RPS26: variants seen among roughly 807,000 people sequenced by gnomAD.
The protein encoded by RPS26 is ribosomal protein S26, also known as small ribosomal subunit protein eS26.
RPS26 carries 1 observed loss-of-function variant against 14.7 expected under a neutral mutation model. The ratio of observed to expected loss-of-function variants is 0.07; its 90% CI spans 0.02 to 0.32. The LOEUF (loss-of-function observed/expected upper bound fraction) is 0.32, where lower values mean the gene tolerates loss of function less well. RPS26 is among the 10% of genes least tolerant of loss of function. The probability of loss-of-function intolerance (pLI) is 1.00; values close to 1 mark genes in which losing one functional copy is unlikely to be tolerated. For synonymous variants in RPS26, 59 were observed against 53.1 expected (o/e 1.11, Z -0.48); for missense variants, 63 against 157.7 (o/e 0.40, Z 3.22).
At chr12:56,042,319 C>A in intron 1 of RPS26, 106 bp from the exon 2 acceptor site, 1 of 1,512,574 alleles carries the variant, frequency 6.6e-7, no homozygotes, top group Non-Finnish European at 9.2e-7. Flanking sequence ...AACAGGAGAT[C>A]CGAGCGGCGC....
chr12:56,044,382 C>T lies in RPS26; in HGVS notation c.*228C>T, dbSNP rs1250653222. Reference sequence around the variant, plus strand: ...TTTTTTTTTGAGACGGAGTCTTTGTCGCCCAAGCTGAATTGCAGTGGCGTG... The same window carrying T: ...TTTTTTTTTGAGACGGAGTCTTTGTTGCCCAAGCTGAATTGCAGTGGCGTG... On this transcript the variant is annotated 3_prime_UTR_variant, in exon 4 of 4. Coordinates refer to ENST00000646449, the MANE Select transcript of RPS26 (RefSeq NM_001029.5). The T allele has an allele frequency of 1.6e-5, 7 of 426,462 alleles. No homozygotes were observed. Among genetic ancestry groups the T allele is most frequent in the East Asian group, 4.0e-5 (1 of 25,012 alleles). The allele number at this position is 426,462 out of a possible 1,614,324, so 26.4% of individuals were successfully genotyped here. A position where few individuals can be genotyped will look rare whatever the true frequency, so the allele number is the denominator to read the frequency against.
chr12:56,042,221 T>C, intron 1 of RPS26, 52 bp downstream of exon 1: 2 of 1,610,590 alleles, frequency 1.2e-6, no homozygotes, highest in Non-Finnish European at 1.7e-6. Context: ...ACTCTGGGAT[T>C]GTGGGGAAGT....
At position 56,041,991 on chromosome 12, in the gene RPS26, AT is replaced by A; in HGVS notation, c.-173del. On this transcript the variant is annotated 5_prime_UTR_variant, in exon 1 of 4. Coordinates refer to ENST00000646449, the MANE Select transcript of RPS26 (RefSeq NM_001029.5). ...ATGGATAAATAAACACTAGGAACGC[AT>A]TTCCACCCTAGATTTCAGCAGAAAT... 1.4e-6 allele frequency: 1 copy of A among 724,520 alleles called. No individual in the cohort carries two copies. Among genetic ancestry groups the A allele is most frequent in the Non-Finnish European group, 2.5e-6 (1 of 402,710 alleles). 44.9% of individuals were successfully genotyped at this position (724,520 alleles called of 1,614,324 possible). A position where few individuals can be genotyped will look rare whatever the true frequency, so the allele number is the denominator to read the frequency against.
At chr12:56,042,347 G>C in intron 1 of RPS26, 78 bp from the exon 2 acceptor site, 1 of 1,554,206 alleles carries the variant, frequency 6.4e-7, no homozygotes, top group Non-Finnish European at 8.9e-7. Context: ...GAGGCTGCCG[G>C]TGCGGCTTGT....
In RPS26 at chr12:56,044,371, G is replaced by A. The variant is rs1451732625; in HGVS notation, c.*217G>A. The A allele has an allele frequency of 1.1e-4, 40 of 362,162 alleles. No homozygotes were observed. The highest frequency in any genetic ancestry group is 7.8e-4 in the African/African-American group (25 of 32,088). The allele number at this position is 362,162 out of a possible 1,614,324, so 22.4% of individuals were successfully genotyped here. ...TTTTTTTTTTTTTTTTTTTTGAGAC[G>A]GAGTCTTTGTCGCCCAAGCTGAATT... On this transcript the variant is annotated 3_prime_UTR_variant, in exon 4 of 4. Transcript: ENST00000646449.
intron 2 of RPS26, 158 bp from the exon 3 acceptor site, chr12:56,043,205 G>A (rs941937527): frequency 2.9e-6 from 2 of 682,328 alleles, no homozygotes; most frequent in Non-Finnish European, 2.6e-6. Context: ...TCAGGTATTG[G>A]GCTGAACAGG....
chr12:56,042,520 C>T lies in RPS26; in HGVS notation c.99C>T (p.Asp33=), dbSNP rs753296520. The change falls in exon 2 of 4, where the codon GAC becomes GAT. Residue 33 remains aspartate, a synonymous_variant. Coordinates refer to ENST00000646449, the MANE Select transcript of RPS26 (RefSeq NM_001029.5). ...CTNCARCVPK[D]KAIKKFVIRN... is the part of the protein sequence containing the mutation. ...ACTGTGCCCGATGCGTGCCCAAGGA[C>T]AAGGCCATTAAGAAATTCGTCATTC... is the stretch of plus-strand genomic sequence containing the variant. 3 of 1,602,690 alleles carry T rather than the reference C, an allele frequency of 1.9e-6. No individual in the cohort carries two copies. The highest frequency in any genetic ancestry group is 1.7e-5 in the Admixed American group (1 of 60,018).
At chr12:56,043,521 CCAGG>C in intron 3 of RPS26, 28 bp downstream of exon 3, 1 of 1,612,778 alleles carries the variant, frequency 6.2e-7, no homozygotes, top group Non-Finnish European at 8.5e-7. Context: ...AGAATGGAAG[CCAGG>C]GGAGTGATGG....
chr12:56,042,354 T>C (rs1895899051), intron 1 of RPS26, 71 bp from the exon 2 acceptor site: 9 of 1,567,914 alleles, frequency 5.7e-6, no homozygotes, highest in Admixed American at 3.4e-5. Context: ...CCGGTGCGGC[T>C]TGTGGCCGGA....
chr12:56,044,635 C>G lies in RPS26; in HGVS notation c.*481C>G, dbSNP rs566084891. ...CTGGGATTACAGGCTTGAGCCACCTCGCCTAGCTATTTATGTAAATTAAAC... is the reference window on the plus strand; with the variant it reads ...CTGGGATTACAGGCTTGAGCCACCTGGCCTAGCTATTTATGTAAATTAAAC... On this transcript the variant is annotated 3_prime_UTR_variant, in exon 4 of 4. Transcript: ENST00000646449. 1.3e-5 allele frequency: 2 copies of G among 158,160 alleles called. No homozygotes were observed. The highest frequency in any genetic ancestry group is 3.6e-4 in the South Asian group (2 of 5,604). 9.8% of individuals were successfully genotyped at this position (158,160 alleles called of 1,614,324 possible).
In RPS26 at chr12:56,042,031, G is replaced by A; in HGVS notation, c.-136G>A. The A allele has an allele frequency of 1.1e-6, 1 of 875,596 alleles. No homozygotes were observed. The highest frequency in any genetic ancestry group is 1.9e-6 in the Non-Finnish European group (1 of 520,596). 54.2% of individuals were successfully genotyped at this position (875,596 alleles called of 1,614,324 possible). The stretch of plus-strand genomic sequence containing the variant: ...TTCAGCAGAAATGCTGAATGTAAAG[G>A]AATATTTGAGTAAAGTGAGTTGCCG... On this transcript the variant is annotated 5_prime_UTR_variant, in exon 1 of 4. Coordinates refer to ENST00000646449, the MANE Select transcript of RPS26 (RefSeq NM_001029.5).
At position 56,043,461 on chromosome 12, in the gene RPS26, G is replaced by A; in HGVS notation, c.280G>A (p.Asp94Asn). 6.2e-7 allele frequency: 1 copy of A among 1,613,650 alleles called. No homozygotes were observed. The highest frequency in any genetic ancestry group is 8.5e-7 in the Non-Finnish European group (1 of 1,179,864). ...VRNRSREARK[D>N]RTPPPRFRPA... is the part of the protein sequence containing the mutation. The stretch of plus-strand genomic sequence containing the variant: ...GAATCGATCTCGTGAAGCCCGCAAG[G>A]ACCGAACACCCCCACCCCGATTTAG... Residue 94 changes from aspartate to asparagine, a missense_variant, in exon 3 of 4, where the codon GAC (aspartate) becomes AAC (asparagine). By Grantham distance (23) the Asp-to-Asn change is conservative. Transcript: ENST00000646449.
rs967785868 is a variant in RPS26, at chr12:56,043,972, A to G, written c.313-147A>G. 8 of 796,884 alleles carry G rather than the reference A, an allele frequency of 1.0e-5. No individual in the cohort carries two copies. The Admixed American group carries it at 1.2e-4, about 12-fold the overall frequency. 49.4% of individuals were successfully genotyped at this position (796,884 alleles called of 1,614,324 possible). Reference sequence around the variant, plus strand: ...AGAATTGGTTTTTAGGATGCAGAGTAGTGTTCTCCCTCCACCTCTATCAGC... The same window carrying G: ...AGAATTGGTTTTTAGGATGCAGAGTGGTGTTCTCCCTCCACCTCTATCAGC... On this transcript the variant is annotated intron_variant, in intron 3 of 3. Coordinates refer to ENST00000646449, the MANE Select transcript of RPS26 (RefSeq NM_001029.5).
At position 56,043,345 on chromosome 12, in the gene RPS26, C is replaced by T. The variant is rs1277866685; in HGVS notation, c.182-18C>T. On this transcript the variant is annotated intron_variant, in intron 2 of 3. Transcript: ENST00000646449. ...GTAGGTATATAATACCAGTATAACTCTATTTTCTATTCCTTAGCCTATGTG... is the reference window on the plus strand; with the variant it reads ...GTAGGTATATAATACCAGTATAACTTTATTTTCTATTCCTTAGCCTATGTG... 1.2e-6 allele frequency: 2 copies of T among 1,609,556 alleles called. No individual in the cohort carries two copies. The highest frequency in any genetic ancestry group is 1.7e-6 in the Non-Finnish European group (2 of 1,177,900).
intron 3 of RPS26, 119 bp downstream of exon 3, chr12:56,043,612 T>G (rs564831403): frequency 1.9e-6 from 2 of 1,030,966 alleles, no homozygotes; most frequent in South Asian, 1.3e-5. Context: ...ACAAGAAGAT[T>G]GCTAGAAACC....
chr12:56,042,236 G>A (rs571354468), intron 1 of RPS26, 67 bp downstream of exon 1: 4 of 1,587,390 alleles, frequency 2.5e-6, no homozygotes, highest in African/African-American at 1.3e-5. Context: ...GGAAGTGAGA[G>A]CCTGGAGCAC....
At chr12:56,043,328 A>G (rs78909418) in intron 2 of RPS26, 35 bp from the exon 3 acceptor site, 206 of 1,602,006 alleles carry the variant, frequency 1.3e-4, no homozygotes, top group Non-Finnish European at 1.7e-4. Flanking sequence ...AGGTAGGTAT[A>G]TAATACCAGT....
chr12:56,044,094 A>G lies in RPS26; in HGVS notation c.313-25A>G, dbSNP rs772466756. On this transcript the variant is annotated intron_variant, in intron 3 of 3. Transcript: ENST00000646449. ...GTCTTGGATCCATGGGTTTTAATTT[A>G]CTCTTTTGTTTCTTTGTCTTTCAGG... is the stretch of plus-strand genomic sequence containing the variant. 8.1e-6 allele frequency: 13 copies of G among 1,609,052 alleles called. No individual in the cohort carries two copies. The African/African-American group carries it at 1.5e-4, about 18-fold the overall frequency.
rs1895933574 is a variant in RPS26, at chr12:56,044,295, C to G, written c.*141C>G. The G allele has an allele frequency of 1.6e-6, 1 of 625,488 alleles. No individual in the cohort carries two copies. Among genetic ancestry groups the G allele is most frequent in the South Asian group, 1.7e-5 (1 of 59,174 alleles). The allele number at this position is 625,488 out of a possible 1,614,324, so 38.7% of individuals were successfully genotyped here. On this transcript the variant is annotated 3_prime_UTR_variant, in exon 4 of 4. Coordinates refer to ENST00000646449, the MANE Select transcript of RPS26 (RefSeq NM_001029.5). ...GTGTTAGACCAAGTGTGAAGTGACA[C>G]ACATTATTTTCATGGGGAAGAAAGC...
Sources: allele counts gnomAD v4.1 joint callset, GRCh38; gene constraint gnomAD v4.1.1; transcripts MANE v1.5; gene names NCBI Gene and HGNC (gene_info 2026-07-23, HGNC 2026-07-21).